The following LIMK2 variants were observed in gnomAD, a reference collection of about 807,000 sequenced individuals.
The protein encoded by LIMK2 is LIM domain kinase 2.
A neutral mutation model predicts 75.7 loss-of-function variants in LIMK2; 35 were observed. That is an observed-to-expected ratio of 0.46 (90% CI 0.35 to 0.61). The LOEUF is 0.61. LIMK2 is among the 20% of genes least tolerant of loss of function. The pLI is 0.00. For synonymous variants in LIMK2, 301 were observed against 319.2 expected, an observed-to-expected ratio of 0.94 and a Z score of 0.61; for missense variants, 623 against 831.0, an observed-to-expected ratio of 0.75 and a Z score of 3.08.
At chr22:31,272,380 GTGTCTATTTGA>G in intron 12 of LIMK2, 139 bp from the exon 13 acceptor site, 1 of 688,498 alleles carries the variant, frequency 1.5e-6, no homozygotes, top group South Asian at 2.5e-5. Flanking sequence ...TGGCCTGAGT[GTGTCTATTTGA>G]TAGAGCTTTC....
chr22:31,212,927 G>T (rs2048359813), intron 1 of LIMK2, among the ~76,000 whole-genome samples: 1 of 152,134 alleles, frequency 6.6e-6, no homozygotes, highest in Admixed American at 6.5e-5. Context: ...TCCCTGCCAA[G>T]ACCCAAGGCT....
At chr22:31,243,591 A>C (rs755343857) in intron 2 of LIMK2, among the ~76,000 whole-genome samples, 1 of 152,182 alleles carries the variant, frequency 6.6e-6, no homozygotes, top group East Asian at 1.9e-4. Flanking sequence ...GCTGGTTCTA[A>C]GGAGTCAGTT....
At chr22:31,231,503 G>T (rs1452847359) in intron 2 of LIMK2, among the ~76,000 whole-genome samples, 1 of 152,182 alleles carries the variant, frequency 6.6e-6, no homozygotes, top group Non-Finnish European at 1.5e-5. Context: ...TTGGACAGGG[G>T]GCTGGGGCCT....
chr22:31,247,742 C>T (rs923525629), intron 2 of LIMK2, among the ~76,000 whole-genome samples: 1 of 152,142 alleles, frequency 6.6e-6, no homozygotes, highest in African/African-American at 2.4e-5. Context: ...GGGAATAATT[C>T]CTGTCTCAGA....
intron 15 of LIMK2, chr22:31,277,041 G>C (rs2049035354): frequency 6.2e-7 from 1 of 1,613,964 alleles, no homozygotes; most frequent in Non-Finnish European, 8.5e-7. Flanking sequence ...GGGTCAAGGA[G>C]CTGCTGGTTG....
intron 14 of LIMK2, 50 bp from the exon 15 acceptor site, chr22:31,275,101 A>T: frequency 2.5e-6 from 4 of 1,581,052 alleles, no homozygotes; most frequent in Non-Finnish European, 3.5e-6. Context: ...CTTGCCAAGT[A>T]TCTGTGGCCT....
intron 9 of LIMK2, among the ~76,000 whole-genome samples, chr22:31,267,526 C>T (rs1179870391): frequency 2.6e-5 from 4 of 152,186 alleles, no homozygotes; most frequent in African/African-American, 9.7e-5. Context: ...CTGGGTATTG[C>T]CCTCCAAGCC....
intron 3 of LIMK2, chr22:31,258,915 A>C: frequency 3.8e-6 from 2 of 525,896 alleles, no homozygotes; most frequent in South Asian, 4.3e-5. Flanking sequence ...CATAACTGAG[A>C]CCAAAACAGT....
At chr22:31,273,055 G>C in intron 13 of LIMK2, 1 of 1,115,316 alleles carries the variant, frequency 9.0e-7, no homozygotes. Context: ...AACCAGAGAT[G>C]CTGGTTGGGA....
intron 1 of LIMK2, 77 bp downstream of exon 1, chr22:31,212,501 GTC>G: frequency 1.5e-6 from 2 of 1,292,778 alleles, no homozygotes; most frequent in Non-Finnish European, 2.0e-6. Context: ...GAAACCGGCT[GTC>G]TCTCGGGGGT....
intron 2 of LIMK2, among the ~76,000 whole-genome samples, chr22:31,226,464 A>G (rs1357449732): frequency 6.6e-6 from 1 of 152,136 alleles, no homozygotes. Context: ...CGACCTCCCA[A>G]AGTGCTGGAA....
chr22:31,228,605 A>G (rs1424031416), intron 2 of LIMK2, among the ~76,000 whole-genome samples: 2 of 152,308 alleles, frequency 1.3e-5, no homozygotes, highest in East Asian at 3.9e-4. Context: ...GATAACCTAT[A>G]TAAAGTGGCT....
intron 2 of LIMK2, among the ~76,000 whole-genome samples, chr22:31,256,983 A>G (rs1475489601): frequency 3.3e-5 from 5 of 149,528 alleles, no homozygotes; most frequent in Admixed American, 1.3e-4. Context: ...AGAACACACC[A>G]GACTTTTGAG....
intron 2 of LIMK2, among the ~76,000 whole-genome samples, chr22:31,245,866 CA>C (rs1370066608): frequency 6.6e-6 from 1 of 150,944 alleles, no homozygotes; most frequent in African/African-American, 2.4e-5. Context: ...CCTGTCTCTA[CA>C]AAAAATAAAA....
intron 9 of LIMK2, 109 bp downstream of exon 9, chr22:31,267,179 A>G: frequency 1.5e-6 from 1 of 655,332 alleles, no homozygotes; most frequent in Non-Finnish European, 2.7e-6. Context: ...TGTCTTAAAG[A>G]CTAAGCAGAA....
intron 2 of LIMK2, among the ~76,000 whole-genome samples, chr22:31,250,500 ATCT>A (rs1193761321): frequency 1.3e-5 from 2 of 152,042 alleles, no homozygotes; most frequent in African/African-American, 4.8e-5. Context: ...GGAGAACCTG[ATCT>A]TCTTGCCCCT....
chr22:31,248,127 A>G (rs2048687843), intron 2 of LIMK2, among the ~76,000 whole-genome samples: 1 of 151,390 alleles, frequency 6.6e-6, no homozygotes. Context: ...GGGGCCAGAT[A>G]TGTTCACACT....
intron 1 of LIMK2, chr22:31,222,639 C>T (rs2123770412): frequency 6.6e-6 from 1 of 152,100 alleles, no homozygotes; most frequent in African/African-American, 2.4e-5. Context: ...CCTCCCAAGA[C>T]AACTTTTTCA....
intron 11 of LIMK2, among the ~76,000 whole-genome samples, chr22:31,269,050 GTTTGTTTTTTTGTTT>G (rs2048926859): frequency 8.2e-6 from 1 of 121,834 alleles, no homozygotes; most frequent in African/African-American, 2.7e-5. Flanking sequence ...TTGTTTGTTT[GTTTGTTTTTTTGTTT>G]TTTTTTCCTG....
Sources: gnomAD v4.1 joint callset for allele counts (sites outside exome capture counted in the v4.1 genomes callset) on GRCh38, gnomAD v4.1.1 for gene constraint, MANE v1.5 for transcripts, NCBI Gene and HGNC (gene_info 2026-07-23, HGNC 2026-07-21) for gene names.